Variants in RYR3 observed in about 807,000 individuals in gnomAD.
RYR3 encodes ryanodine receptor 3.
Under a neutral mutation model 584.3 loss-of-function variants are expected in RYR3, and 207 were observed. That is an observed-to-expected ratio of 0.35 (90% CI 0.32 to 0.40). The LOEUF (loss-of-function observed/expected upper bound fraction) is 0.40. RYR3 is among the 10% of genes least tolerant of loss of function. The pLI, the probability that RYR3 is intolerant of heterozygous loss-of-function variation, is 1.00. For synonymous variants in RYR3, 2,416 were observed against 2,248.5 expected (o/e 1.07, Z -2.11); for missense variants, 5,616 against 6,089.2 (o/e 0.92, Z 2.59).
intron 60 of RYR3, among the ~76,000 whole-genome samples, chr15:33,767,887 G>A (rs548041861): frequency 4.0e-4 from 61 of 152,312 alleles, no homozygotes; most frequent in African/African-American, 1.4e-3. Flanking sequence ...TTAGCAGCAT[G>A]TTCAGAAACA....
chr15:33,504,511 C>A (rs906797724), intron 3 of RYR3, among the ~76,000 whole-genome samples: 14 of 152,226 alleles, frequency 9.2e-5, no homozygotes, highest in African/African-American at 3.4e-4. Context: ...TTGGTTACGG[C>A]AACAGCCTAT....
chr15:33,555,140 A>G (rs2056983110), intron 10 of RYR3, among the ~76,000 whole-genome samples: 1 of 152,226 alleles, frequency 6.6e-6, no homozygotes, highest in Admixed American at 6.5e-5. Context: ...CTATGTGCTA[A>G]GCATGGTGTT....
intron 38 of RYR3, among the ~76,000 whole-genome samples, chr15:33,675,246 TC>T (rs2152730976): frequency 6.6e-6 from 1 of 152,364 alleles, no homozygotes; most frequent in Non-Finnish European, 1.5e-5. Flanking sequence ...CTTGAGCACT[TC>T]CATAAATATT....
At chr15:33,813,125 A>G in intron 73 of RYR3, 131 bp downstream of exon 73, 2 of 1,177,588 alleles carry the variant, frequency 1.7e-6, no homozygotes, top group Non-Finnish European at 2.4e-6. Flanking sequence ...GGATCATCCC[A>G]GATCACCCCC....
chr15:33,405,260 T>C lies in RYR3; in HGVS notation c.52-68159T>C, dbSNP rs528530703. On this transcript the variant is annotated intron_variant, in intron 1 of 103. Transcript: ENST00000634891. ...ATTCCTTGAGGCCATGGTTCTGGCA[T>C]TGGAGACTGAGGTTATAAACCACTC... Among the ~76,000 whole-genome samples, 4 of 152,330 alleles carry C rather than the reference T, an allele frequency of 2.6e-5. No individual in the cohort carries two copies. The East Asian group carries it at 7.7e-4, about 29-fold the overall frequency.
At chr15:33,546,701 G>A (rs79259007) in intron 8 of RYR3, among the ~76,000 whole-genome samples, 2,378 of 151,432 alleles carry the variant, frequency 0.016, 65 homozygotes, top group African/African-American at 0.048. Flanking sequence ...ACAGAGAGTT[G>A]AAGGGGCTTG....
At chr15:33,469,558 G>T (rs531751033) in intron 1 of RYR3, among the ~76,000 whole-genome samples, 1 of 152,010 alleles carries the variant, frequency 6.6e-6, no homozygotes, top group South Asian at 2.1e-4. Context: ...AGATAATGAT[G>T]TGTAAGCTGA....
chr15:33,475,691 T>C (rs2049312142), intron 2 of RYR3, among the ~76,000 whole-genome samples: 1 of 152,210 alleles, frequency 6.6e-6, no homozygotes, highest in Non-Finnish European at 1.5e-5. Flanking sequence ...TACCACTTGC[T>C]GGCTAAACCA....
chr15:33,811,281 G>A (rs566197796), intron 72 of RYR3, among the ~76,000 whole-genome samples: 4 of 152,138 alleles, frequency 2.6e-5, no homozygotes, highest in East Asian at 3.9e-4. Flanking sequence ...CGAGGTGGGC[G>A]GATCACGAGG....
At chr15:33,348,587 T>C (rs982138685) in intron 1 of RYR3, among the ~76,000 whole-genome samples, 3 of 152,210 alleles carry the variant, frequency 2.0e-5, no homozygotes, top group Admixed American at 6.5e-5. Flanking sequence ...GCTATTCTCC[T>C]GCCTCAGCTT....
intron 38 of RYR3, among the ~76,000 whole-genome samples, chr15:33,684,713 T>C (rs947149125): frequency 4.6e-5 from 7 of 152,214 alleles, no homozygotes; most frequent in Non-Finnish European, 1.0e-4. Context: ...AAGGTTGCGT[T>C]ACCCACAAAG....
intron 52 of RYR3, among the ~76,000 whole-genome samples, chr15:33,744,620 G>A (rs147621825): frequency 2.0e-5 from 3 of 152,316 alleles, no homozygotes; most frequent in Admixed American, 6.5e-5. Context: ...CCCAGAGTTG[G>A]TGACATCTAC....
chr15:33,586,433 C>T (rs927387325), intron 16 of RYR3, among the ~76,000 whole-genome samples: 1 of 152,116 alleles, frequency 6.6e-6, no homozygotes. Context: ...TGGCTTTCAC[C>T]CTAGGATCCA....
At chr15:33,326,837 TATG>T (rs1012490571) in intron 1 of RYR3, among the ~76,000 whole-genome samples, 13 of 152,162 alleles carry the variant, frequency 8.5e-5, no homozygotes, top group Non-Finnish European at 7.3e-5. Context: ...TGAACATACT[TATG>T]ATAATTTACT....
intron 12 of RYR3, among the ~76,000 whole-genome samples, chr15:33,569,677 C>A (rs999072648): frequency 6.6e-6 from 1 of 152,070 alleles, no homozygotes; most frequent in Non-Finnish European, 1.5e-5. Flanking sequence ...AATCTGTTTT[C>A]CAAAGTGGAT....
intron 98 of RYR3, chr15:33,856,432 C>CT (rs1164524121): frequency 6.6e-6 from 1 of 152,296 alleles, no homozygotes; most frequent in Non-Finnish European, 1.5e-5. Context: ...GTACTCCTCA[C>CT]TTAAGCCAGT....
intron 69 of RYR3, among the ~76,000 whole-genome samples, chr15:33,802,571 G>A (rs72625167): frequency 0.18 from 27,554 of 152,108 alleles, 2,948 homozygotes; most frequent in East Asian, 0.28. Flanking sequence ...GAGGAGCATA[G>A]CAGGAATACA....
rs1301389406 is a variant in RYR3, at chr15:33,665,300, C to T, written c.5619+1563C>T. Among the ~76,000 whole-genome samples, 5 of 152,296 alleles carry T rather than the reference C, an allele frequency of 3.3e-5. No homozygotes were observed. The East Asian group carries it at 9.6e-4, about 29-fold the overall frequency. Reference sequence around the variant, plus strand: ...CTTTCTGTATCTGTTTCTTTAGCTGCAAAATGTGGATAATTTTTGCATCTC... The same window carrying T: ...CTTTCTGTATCTGTTTCTTTAGCTGTAAAATGTGGATAATTTTTGCATCTC... On this transcript the variant is annotated intron_variant, in intron 36 of 103. Transcript: ENST00000634891.
chr15:33,636,686 G>A (rs2061517273), intron 27 of RYR3, 136 bp downstream of exon 27: 5 of 708,808 alleles, frequency 7.1e-6, no homozygotes, highest in Non-Finnish European at 1.1e-5. Context: ...TGGTGAAGAC[G>A]ATCCCATAGA....
Sources: allele counts gnomAD v4.1 joint callset (sites outside exome capture counted in the v4.1 genomes callset), GRCh38; gene constraint gnomAD v4.1.1; transcripts MANE v1.5; gene names NCBI Gene and HGNC (gene_info 2026-07-23, HGNC 2026-07-21).